MTURN: variants seen among roughly 807,000 people sequenced by gnomAD.
The protein encoded by MTURN is maturin.
Under a neutral mutation model 14.9 loss-of-function variants are expected in MTURN, and 7 were observed. The observed-to-expected ratio is 0.47, with a 90% CI of 0.27 to 0.88. The LOEUF is 0.88. Ranked by LOEUF, MTURN falls within the 40% of genes least tolerant of loss-of-function variation. The pLI, the probability that MTURN is intolerant of heterozygous loss-of-function variation, is 0.14. For synonymous variants in MTURN, 69 were observed against 72.5 expected (o/e 0.95, Z 0.25); for missense variants, 151 against 174.1 (o/e 0.87, Z 0.75).
chr7:30,148,531 G>T (rs1797160984), intron 2 of MTURN, among the ~76,000 whole-genome samples: 1 of 152,238 alleles, frequency 6.6e-6, no homozygotes, highest in Admixed American at 6.5e-5. Flanking sequence ...GGACAGAGAG[G>T]CCATTGAGGC....
At chr7:30,142,802 C>CT (rs1236003551) in intron 1 of MTURN, among the ~76,000 whole-genome samples, 3 of 152,230 alleles carry the variant, frequency 2.0e-5, no homozygotes, top group African/African-American at 7.2e-5. Context: ...TGTTGACGCT[C>CT]TGACTACCGC....
At chr7:30,147,168 T>G (rs1229188613) in intron 2 of MTURN, among the ~76,000 whole-genome samples, 1 of 152,268 alleles carries the variant, frequency 6.6e-6, no homozygotes, top group African/African-American at 2.4e-5. Flanking sequence ...GATATTTCAT[T>G]TTGTAAGTCT....
intron 2 of MTURN, among the ~76,000 whole-genome samples, chr7:30,154,390 G>A (rs1478598101): frequency 1.3e-5 from 2 of 152,166 alleles, no homozygotes; most frequent in Non-Finnish European, 2.9e-5. Context: ...TAGGCCATAG[G>A]CTCACGTGTT....
rs149868112 is a variant in MTURN at position 30,142,686 on chromosome 7, C to G, written c.163-3491C>G. On this transcript the variant is annotated intron_variant, in intron 1 of 2. Coordinates refer to ENST00000324453, the MANE Select transcript of MTURN (RefSeq NM_152793.3). ...TAACTTTGCAATTTAAACTCTGCCC[C>G]CCCAGCACGCAACTCTGATCCACAC... is the stretch of plus-strand genomic sequence containing the variant. Among the ~76,000 whole-genome samples the G allele has an allele frequency of 2.8e-4, 42 of 152,298 alleles. 1 individual carries two copies. Among genetic ancestry groups the G allele is most frequent in the South Asian group, 4.1e-4 (2 of 4,828 alleles).
At chr7:30,136,798 A>G (rs1796970459) in intron 1 of MTURN, among the ~76,000 whole-genome samples, 2 of 152,136 alleles carry the variant, frequency 1.3e-5, no homozygotes, top group Admixed American at 6.5e-5. Context: ...CATCCAAAAA[A>G]ATAGGTATAA....
chr7:30,138,112 CT>C (rs919009690), intron 1 of MTURN, among the ~76,000 whole-genome samples: 5 of 151,526 alleles, frequency 3.3e-5, no homozygotes, highest in African/African-American at 1.2e-4. Context: ...CTATGCCATA[CT>C]TTTTTTTTCT....
chr7:30,151,644 T>C (rs1222502062), intron 2 of MTURN, among the ~76,000 whole-genome samples: 1 of 152,186 alleles, frequency 6.6e-6, no homozygotes, highest in African/African-American at 2.4e-5. Flanking sequence ...TCCTCGAGTG[T>C]GTTCTTCTCC....
At chr7:30,151,845 A>T (rs1042153841) in intron 2 of MTURN, among the ~76,000 whole-genome samples, 6 of 152,234 alleles carry the variant, frequency 3.9e-5, no homozygotes, top group Non-Finnish European at 4.4e-5. Flanking sequence ...CTCAAGAAAG[A>T]GACATTTCTG....
intron 2 of MTURN, among the ~76,000 whole-genome samples, chr7:30,146,766 T>C (rs1797136691): frequency 6.6e-6 from 1 of 152,246 alleles, no homozygotes. Flanking sequence ...CTCTATTCTT[T>C]TCTATTTTTA....
chr7:30,146,179 C>G lies in MTURN; in HGVS notation c.165C>G (p.His55Gln). 1 of 1,614,118 alleles carries G rather than the reference C, an allele frequency of 6.2e-7. No individual in the cohort carries two copies. Among genetic ancestry groups the G allele is most frequent in the Non-Finnish European group, 8.5e-7 (1 of 1,180,020 alleles). ...TTCCGTCGCCCGTGGGCACGCAGCA[C>G]GTGTGGAGTGAGAGCGAGGACTGCC... ...CPDNGCGDNFHVWSESEDCLP... is the reference protein window; with the variant it reads ...CPDNGCGDNFQVWSESEDCLP... Residue 55 changes from histidine to glutamine, a missense_variant and splice_region_variant, in exon 2 of 3, where the codon CAC becomes CAG. Physicochemically the swap from His to Gln is conservative, Grantham distance 24. Coordinates refer to ENST00000324453, the MANE Select transcript of MTURN (RefSeq NM_152793.3).
chr7:30,139,390 C>T (rs966621455), intron 1 of MTURN, among the ~76,000 whole-genome samples: 2 of 152,182 alleles, frequency 1.3e-5, no homozygotes, highest in Non-Finnish European at 2.9e-5. Context: ...ACTTTACTAA[C>T]TTTTCCACAG....
intron 1 of MTURN, chr7:30,141,435 A>AG (rs1035542127): frequency 3.4e-5 from 5 of 146,724 alleles, no homozygotes; most frequent in Non-Finnish European, 7.5e-5. Flanking sequence ...AAAAAAAAAG[A>AG]GAAAAAAAGA....
chr7:30,157,048 G>A (rs939717384), intron 2 of MTURN, among the ~76,000 whole-genome samples: 14 of 152,054 alleles, frequency 9.2e-5, no homozygotes, highest in African/African-American at 2.9e-4. Flanking sequence ...TAATAGCACC[G>A]TGTGTTTTTA....
chr7:30,152,907 A>G (rs1392387261), intron 2 of MTURN, among the ~76,000 whole-genome samples: 2 of 152,206 alleles, frequency 1.3e-5, no homozygotes, highest in Non-Finnish European at 2.9e-5. Flanking sequence ...GATGGGCCCC[A>G]GCAGTGCTTA....
intron 2 of MTURN, among the ~76,000 whole-genome samples, chr7:30,153,645 A>G (rs1797243299): frequency 6.6e-6 from 1 of 152,238 alleles, no homozygotes; most frequent in African/African-American, 2.4e-5. Flanking sequence ...GGTCATTATG[A>G]GGAGCAAAGG....
At chr7:30,145,781 C>A (rs1015576024) in intron 1 of MTURN, 4 of 1,429,678 alleles carry the variant, frequency 2.8e-6, no homozygotes, top group African/African-American at 1.4e-5. Context: ...ATCTTTCAGC[C>A]GTAGCTGAAA....
At chr7:30,145,960 G>A (rs544606829) in intron 1 of MTURN, 4 of 1,551,488 alleles carry the variant, frequency 2.6e-6, no homozygotes, top group Non-Finnish European at 3.5e-6. Flanking sequence ...AGCAGGTGAG[G>A]TATGGACCAA....
chr7:30,156,100 C>G (rs78254991), intron 2 of MTURN, among the ~76,000 whole-genome samples: 1 of 152,070 alleles, frequency 6.6e-6, no homozygotes, highest in African/African-American at 2.4e-5. Context: ...CAGGCAGGTC[C>G]GACAGCTAGG....
rs1461366360 is a variant in MTURN, at chr7:30,161,168, T to C, written c.*3620T>C. On this transcript the variant is annotated 3_prime_UTR_variant, in exon 3 of 3. Transcript: ENST00000324453. ...GGCTTTGCATGTTAAAATTCACAAG[T>C]TGGGAAACTGGTATGAACAGATCTG... 6.6e-6 allele frequency: 1 copy of C among 152,578 alleles called. No homozygotes were observed. Among genetic ancestry groups the C allele is most frequent in the Non-Finnish European group, 1.5e-5 (1 of 68,032 alleles). The allele number at this position is 152,578 out of a possible 1,614,324, so 9.5% of individuals were successfully genotyped here.
Sources: allele counts gnomAD v4.1 joint callset (sites outside exome capture counted in the v4.1 genomes callset), GRCh38; gene constraint gnomAD v4.1.1; transcripts MANE v1.5; gene names NCBI Gene and HGNC (gene_info 2026-07-23, HGNC 2026-07-21).